Variants in TEX26 observed in about 807,000 individuals in gnomAD.
TEX26 encodes testis-expressed protein 26.
A neutral mutation model predicts 35.3 loss-of-function variants in TEX26; 34 were observed. The observed-to-expected ratio is 0.96, with a 90% CI of 0.73 to 1.28. The LOEUF (loss-of-function observed/expected upper bound fraction) is 1.28. Among genes scored for constraint, TEX26 ranks in the 50% most tolerant of loss-of-function variants. TEX26 has a pLI of 0.00. For synonymous variants in TEX26, 136 were observed against 111.8 expected, an observed-to-expected ratio of 1.22 and a Z score of -1.36; for missense variants, 371 against 330.1, an observed-to-expected ratio of 1.12 and a Z score of -0.96.
At chr13:30,955,244 T>G (rs1462074951) in intron 3 of TEX26, among the ~76,000 whole-genome samples, 1 of 152,228 alleles carries the variant, frequency 6.6e-6, no homozygotes. Flanking sequence ...TGGGCCACAT[T>G]CAAAGCCATC....
chr13:30,943,793 C>T (rs1953602829), intron 2 of TEX26, among the ~76,000 whole-genome samples: 2 of 152,026 alleles, frequency 1.3e-5, no homozygotes, highest in Non-Finnish European at 2.9e-5. Flanking sequence ...TAAAGCATGC[C>T]TGCATCCCTG....
At chr13:30,933,192 TG>T (rs1953139955) in intron 1 of TEX26, 2 of 156,456 alleles carry the variant, frequency 1.3e-5, no homozygotes, top group Admixed American at 6.4e-5. Flanking sequence ...GCAAGGAAAG[TG>T]GGGGAAGGGT....
chr13:30,960,283 A>C (rs906559586), intron 4 of TEX26, among the ~76,000 whole-genome samples: 2 of 152,064 alleles, frequency 1.3e-5, no homozygotes, highest in Admixed American at 1.3e-4. Flanking sequence ...CAGAATCTCC[A>C]CCAGGCTGGA....
chr13:30,949,547 A>G (rs1383412429), intron 2 of TEX26, among the ~76,000 whole-genome samples: 1 of 152,128 alleles, frequency 6.6e-6, no homozygotes, highest in Non-Finnish European at 1.5e-5. Flanking sequence ...CATATTATAG[A>G]GAAGACTATT....
At chr13:30,948,855 A>G (rs1046519595) in intron 2 of TEX26, among the ~76,000 whole-genome samples, 4 of 152,184 alleles carry the variant, frequency 2.6e-5, no homozygotes, top group African/African-American at 9.7e-5. Flanking sequence ...GTTTTCTTCT[A>G]GAGTTTTTAT....
chr13:30,941,214 T>C (rs1953497243), intron 2 of TEX26, among the ~76,000 whole-genome samples: 1 of 152,192 alleles, frequency 6.6e-6, no homozygotes, highest in Admixed American at 6.5e-5. Context: ...GTCATTTTCA[T>C]TCATTTTTCC....
intron 4 of TEX26, among the ~76,000 whole-genome samples, chr13:30,961,263 C>T (rs1954331577): frequency 1.3e-5 from 2 of 152,152 alleles, no homozygotes; most frequent in African/African-American, 4.8e-5. Context: ...AGAGAATAAA[C>T]TTCTAGTTAG....
chr13:30,954,579 C>T (rs75730487), intron 3 of TEX26, among the ~76,000 whole-genome samples: 2,781 of 151,926 alleles, frequency 0.018, 102 homozygotes, highest in African/African-American at 0.064. Flanking sequence ...CCACCTCACC[C>T]TCCAGAGTAG....
chr13:30,974,065 G>A (rs1228698978), intron 6 of TEX26, among the ~76,000 whole-genome samples: 2 of 147,174 alleles, frequency 1.4e-5, no homozygotes, highest in Non-Finnish European at 3.0e-5. Flanking sequence ...AGGTTGCAGT[G>A]AGCCGAGATC....
intron 3 of TEX26, among the ~76,000 whole-genome samples, chr13:30,956,596 C>T (rs1954140656): frequency 6.6e-6 from 1 of 152,138 alleles, no homozygotes; most frequent in Admixed American, 6.5e-5. Context: ...TTCCCTTAGT[C>T]TTATCTGTAG....
In TEX26 at chr13:30,932,744, A is replaced by ATCCC. The variant is rs1365220888; in HGVS notation, c.32_35dup (p.Cys14SerfsTer11). On this transcript the variant is annotated frameshift_variant, in exon 1 of 7. Transcript: ENST00000380473. LOFTEE classifies it high-confidence loss of function. ...GAACAGCCTGGGCCCAGGGCTCCGG[A>ATCCC]TCCCTCTCTCTGCCACCACAACCTC... is the stretch of plus-strand genomic sequence containing the variant. 1.1e-5 allele frequency: 18 copies of ATCCC among 1,613,800 alleles called. No individual in the cohort carries two copies. Among genetic ancestry groups the ATCCC allele is most frequent in the Non-Finnish European group, 1.4e-5 (17 of 1,179,984 alleles).
chr13:30,966,528 C>G, intron 5 of TEX26, 130 bp downstream of exon 5: 1 of 826,228 alleles, frequency 1.2e-6, no homozygotes, highest in Non-Finnish European at 1.8e-6. Context: ...ATCTCCGCCT[C>G]CTGGGTTCAA....
At chr13:30,964,782 G>A (rs368155052) in intron 4 of TEX26, among the ~76,000 whole-genome samples, 11 of 152,192 alleles carry the variant, frequency 7.2e-5, no homozygotes, top group Admixed American at 6.5e-5. Context: ...GGACAAGAGC[G>A]TGAAAGTGAG....
chr13:30,939,998 C>T (rs1188157434), intron 2 of TEX26, among the ~76,000 whole-genome samples: 1 of 152,112 alleles, frequency 6.6e-6, no homozygotes, highest in Non-Finnish European at 1.5e-5. Flanking sequence ...AAAATGGCTA[C>T]CAATTTTTCA....
At chr13:30,935,303 C>T (rs1953232024) in intron 1 of TEX26, among the ~76,000 whole-genome samples, 1 of 152,238 alleles carries the variant, frequency 6.6e-6, no homozygotes, top group African/African-American at 2.4e-5. Flanking sequence ...GCCCCACCCT[C>T]TGACCAGGGA....
chr13:30,968,846 C>G, intron 5 of TEX26, 39 bp from the exon 6 acceptor site: 1 of 1,592,330 alleles, frequency 6.3e-7, no homozygotes, highest in South Asian at 1.1e-5. Context: ...TGCTTGGGTG[C>G]CAGCCTTCCG....
In TEX26 at chr13:30,969,019, G is replaced by C; in HGVS notation, c.781G>C (p.Glu261Gln). ...CTCATTTACTTCCTCTCAAGTCAAA[G>C]AGTACCTTCAGAGTCTTTCCTACAA... ...LNSFTSSQVK[E>Q]YLQSLSYKDR... The change falls in exon 6 of 7, where the codon GAG (glutamate) becomes CAG (glutamine). Residue 261 changes from glutamate to glutamine, a missense_variant. Glu to Gln is a conservative substitution (Grantham distance 29). Transcript: ENST00000380473. 6.2e-7 allele frequency: 1 copy of C among 1,613,974 alleles called. No homozygotes were observed. Among genetic ancestry groups the C allele is most frequent in the East Asian group, 2.2e-5 (1 of 44,880 alleles).
At chr13:30,947,137 C>A (rs1953740168) in intron 2 of TEX26, among the ~76,000 whole-genome samples, 1 of 152,038 alleles carries the variant, frequency 6.6e-6, no homozygotes, top group Admixed American at 6.6e-5. Context: ...TATTTTAGTA[C>A]ACAATCGCTC....
chr13:30,932,876 G>A, intron 1 of TEX26, 100 bp downstream of exon 1: 1 of 1,362,108 alleles, frequency 7.3e-7, no homozygotes, highest in Non-Finnish European at 1.0e-6. Context: ...TAAGGGTGTG[G>A]CATCGCTCTT....
Sources: gnomAD v4.1 joint callset for allele counts (sites outside exome capture counted in the v4.1 genomes callset) on GRCh38, gnomAD v4.1.1 for gene constraint, MANE v1.5 for transcripts, NCBI Gene and HGNC (gene_info 2026-07-23, HGNC 2026-07-21) for gene names.